Variants in PCBP3 observed in about 807,000 individuals in gnomAD.
PCBP3 encodes the protein poly(rC) binding protein 3, also known as poly(rC)-binding protein 3.
In PCBP3, 25 loss-of-function variants were observed where a neutral mutation model predicts 52.7. The observed-to-expected ratio is 0.47, with a 90% CI of 0.35 to 0.66. The LOEUF is 0.66. PCBP3 is among the 30% of genes least tolerant of loss of function. The pLI, the probability that PCBP3 is intolerant of heterozygous loss-of-function variation, is 0.01. For missense variants in PCBP3, 391 were observed against 490.3 expected (o/e 0.80, Z 1.91); for synonymous variants, 162 against 183.0 (o/e 0.89, Z 0.93).
At chr21:45,886,497 G>A (rs936901454) in intron 5 of PCBP3, among the ~76,000 whole-genome samples, 4 of 149,604 alleles carry the variant, frequency 2.7e-5, no homozygotes, top group African/African-American at 7.4e-5. Context: ...GGCAGAGGAC[G>A]TGGTAAGGTG....
At chr21:45,887,540 C>T (rs550836368) in intron 5 of PCBP3, among the ~76,000 whole-genome samples, 93 of 152,302 alleles carry the variant, frequency 6.1e-4, no homozygotes, top group Middle Eastern at 6.8e-3. Context: ...GAGGACAGGC[C>T]CAGCCAGAAG....
At chr21:45,873,841 G>T (rs1475500240) in intron 5 of PCBP3, among the ~76,000 whole-genome samples, 1 of 152,236 alleles carries the variant, frequency 6.6e-6, no homozygotes, top group Non-Finnish European at 1.5e-5. Context: ...TGTCACCTAG[G>T]CTGCAAAGCA....
rs2096282476 is a variant in PCBP3, at chr21:45,909,441, G to A, written c.426G>A (p.Gly142=). The change falls in exon 10 of 18, where the codon GGG becomes GGA. Residue 142 remains glycine (G), a synonymous_variant. Transcript: ENST00000681687. ...TGGTGGTGCCTGCCAGCCAGTGTGG[G>A]TCCCTGATCGGCAAAGGAGGCTCCA... The part of the protein sequence containing the change: ...LRLVVPASQC[G]SLIGKGGSKI... 1 of 1,613,316 alleles carries A rather than the reference G, an allele frequency of 6.2e-7. No individual in the cohort carries two copies. Among genetic ancestry groups the A allele is most frequent in the Admixed American group, 1.7e-5 (1 of 59,990 alleles).
rs1029693423 is a variant in PCBP3, at chr21:45,791,625, C to T, written c.-126+36173C>T. Among the ~76,000 whole-genome samples, 28 of 152,162 alleles carry T rather than the reference C, an allele frequency of 1.8e-4. No individual in the cohort carries two copies. Among genetic ancestry groups the T allele is most frequent in the African/African-American group, 6.5e-4 (27 of 41,426 alleles). On this transcript the variant is annotated intron_variant, in intron 4 of 17. Coordinates refer to ENST00000681687, the MANE Select transcript of PCBP3 (RefSeq NM_001384156.1). The surrounding 1 kb of genome is among the most constrained non-coding windows in gnomAD (Gnocchi z 4.2). ...GTGGCCGCCAACAACTTTCTTTTTC[C>T]AGTTGGTGGCAGTCATAAGTTAATT...
chr21:45,777,232 A>G lies in PCBP3; in HGVS notation c.-126+21780A>G, dbSNP rs557992258. ...TTGTTTTTTTCCCCCATTACTTTGA[A>G]TATATCATCCCATTCTCTTCTGGCC... On this transcript the variant is annotated intron_variant, in intron 4 of 17. Coordinates refer to ENST00000681687, the MANE Select transcript of PCBP3 (RefSeq NM_001384156.1). 5.9e-5 allele frequency among the ~76,000 whole-genome samples: 9 copies of G among 152,220 alleles called. No individual in the cohort carries two copies. The South Asian group carries it at 1.9e-3, about 32-fold the overall frequency.
chr21:45,933,791 G>T (rs1325036212), intron 15 of PCBP3, among the ~76,000 whole-genome samples: 1 of 152,178 alleles, frequency 6.6e-6, no homozygotes, highest in East Asian at 1.9e-4. Flanking sequence ...CTGCCAGGGA[G>T]ACTGGCTGGC....
rs148111627 is a variant in PCBP3 at position 45,900,743 on chromosome 21, T to A, written c.222+120T>A. On this transcript the variant is annotated intron_variant, in intron 8 of 17. Transcript: ENST00000681687. ...TTGGCCAGCCGGGGTGTGTGGGGAG[T>A]GCAGTGCGGGGCCTCTTTTCCCCTA... The A allele has an allele frequency of 1.2e-3, 969 of 831,288 alleles. 5 individuals are homozygous for A. The African/African-American group carries it at 0.015, about 13-fold the overall frequency. The allele number at this position is 831,288 out of a possible 1,614,324, so 51.5% of individuals were successfully genotyped here. A position where few individuals can be genotyped will look rare whatever the true frequency, so the allele number is the denominator to read the frequency against.
chr21:45,862,201 G>A (rs912024123), intron 5 of PCBP3, among the ~76,000 whole-genome samples: 10 of 150,778 alleles, frequency 6.6e-5, no homozygotes, highest in African/African-American at 2.2e-4. Flanking sequence ...GGGGGGACAC[G>A]TACATTTAAA....
chr21:45,921,715 A>T (rs892168789), intron 13 of PCBP3, among the ~76,000 whole-genome samples: 2 of 152,148 alleles, frequency 1.3e-5, no homozygotes, highest in Admixed American at 1.3e-4. Context: ...GCTACCCGGG[A>T]GGCTGAGGCG....
At chr21:45,814,798 G>GA (rs2092813137) in intron 4 of PCBP3, among the ~76,000 whole-genome samples, 1 of 134,024 alleles carries the variant, frequency 7.5e-6, no homozygotes, top group African/African-American at 2.9e-5. Context: ...GTGAGTGAGT[G>GA]GTGAGTGGTG....
rs2146606417 is a variant in PCBP3, at chr21:45,643,879, G to C, written c.-279+11G>C. 1.3e-5 allele frequency: 2 copies of C among 149,100 alleles called. No individual in the cohort carries two copies. The highest frequency in any genetic ancestry group is 3.9e-4 in the East Asian group (2 of 5,110). The allele number at this position is 149,100 out of a possible 1,614,324, so 9.2% of individuals were successfully genotyped here. A position where few individuals can be genotyped will look rare whatever the true frequency, so the allele number is the denominator to read the frequency against. ...TCCGGCGCAGGGCAGGTGAGTGAGC[G>C]GTGGCGGGCGGGGTCGGGGTCGGGC... On this transcript the variant is annotated intron_variant, in intron 1 of 17. Transcript: ENST00000681687.
chr21:45,756,692 T>C (rs2146462265), intron 4 of PCBP3, among the ~76,000 whole-genome samples: 1 of 152,328 alleles, frequency 6.6e-6, no homozygotes, highest in Non-Finnish European at 1.5e-5. Flanking sequence ...CCCCACTCCT[T>C]CTTCCTCCTT....
intron 5 of PCBP3, among the ~76,000 whole-genome samples, chr21:45,852,557 T>C (rs60325562): frequency 3.5e-5 from 4 of 113,860 alleles, no homozygotes; most frequent in Admixed American, 8.7e-5. Context: ...ACCCTGACTT[T>C]TGTTCAGAAG....
chr21:45,680,002 C>A lies in PCBP3; in HGVS notation c.-200+11050C>A, dbSNP rs140945570. On this transcript the variant is annotated intron_variant, in intron 2 of 17. Coordinates refer to ENST00000681687, the MANE Select transcript of PCBP3 (RefSeq NM_001384156.1). ...AATTCTCCAAATCATTTGAGAAACTCATTTCTCCAAAATCATTTGGGCACC... is the reference window on the plus strand; with the variant it reads ...AATTCTCCAAATCATTTGAGAAACTAATTTCTCCAAAATCATTTGGGCACC... Among the ~76,000 whole-genome samples, 127 of 152,318 alleles carry A rather than the reference C, an allele frequency of 8.3e-4. 1 individual carries two copies. Among genetic ancestry groups the A allele is most frequent in the Middle Eastern group, 6.8e-3 (2 of 294 alleles).
intron 1 of PCBP3, among the ~76,000 whole-genome samples, chr21:45,667,468 T>G (rs186509072): frequency 1.6e-4 from 25 of 152,336 alleles, no homozygotes; most frequent in African/African-American, 5.5e-4. Flanking sequence ...TGAACCACTC[T>G]AATGAATGTG....
intron 4 of PCBP3, among the ~76,000 whole-genome samples, chr21:45,803,802 G>A (rs984117522): frequency 1.3e-5 from 2 of 152,218 alleles, no homozygotes; most frequent in African/African-American, 2.4e-5. Context: ...TGGCTTCCCC[G>A]TGGCCTCGCT....
intron 5 of PCBP3, among the ~76,000 whole-genome samples, chr21:45,887,845 G>A (rs537261539): frequency 3.6e-4 from 55 of 152,272 alleles, no homozygotes; most frequent in Admixed American, 3.2e-3. Flanking sequence ...GCTTCGTGAC[G>A]ACCTCACTGT....
rs1022015078 is a variant in PCBP3, at chr21:45,686,684, C to A, written c.-200+17732C>A. ...AGAAGTACTTAAAGGGCAACATGAA[C>A]ATAGTATAAGATAAATAGAAGATAT... On this transcript the variant is annotated intron_variant, in intron 2 of 17. Transcript: ENST00000681687. 4.6e-5 allele frequency among the ~76,000 whole-genome samples: 7 copies of A among 151,892 alleles called. No homozygotes were observed. The South Asian group carries it at 1.5e-3, about 31-fold the overall frequency.
intron 5 of PCBP3, among the ~76,000 whole-genome samples, chr21:45,856,084 CT>C (rs1243006013): frequency 6.6e-6 from 1 of 152,184 alleles, no homozygotes; most frequent in African/African-American, 2.4e-5. Flanking sequence ...CCAAAGCCAT[CT>C]TTTATGGGGG....
Sources: allele counts gnomAD v4.1 joint callset (sites outside exome capture counted in the v4.1 genomes callset), GRCh38; gene constraint gnomAD v4.1.1; non-coding constraint Gnocchi (gnomAD v3.1); transcripts MANE v1.5; gene names NCBI Gene and HGNC (gene_info 2026-07-23, HGNC 2026-07-21).